Variants in INO80D observed in about 807,000 individuals in gnomAD.
INO80D encodes INO80 complex subunit D.
Under a neutral mutation model 87.6 loss-of-function variants are expected in INO80D, and 21 were observed. That is an observed-to-expected ratio of 0.24 (90% CI 0.17 to 0.35). INO80D has a LOEUF of 0.35. Ranked by LOEUF, INO80D falls within the 10% of genes least tolerant of loss-of-function variation. The pLI, the probability that INO80D is intolerant of heterozygous loss-of-function variation, is 1.00. For missense variants in INO80D, 982 were observed against 1,280.7 expected (o/e 0.77, Z 3.56); for synonymous variants, 440 against 491.0 (o/e 0.90, Z 1.37).
chr2:206,067,780 C>G (rs573528074), intron 1 of INO80D, among the ~76,000 whole-genome samples: 2 of 152,018 alleles, frequency 1.3e-5, no homozygotes, highest in Admixed American at 1.3e-4. Flanking sequence ...GAAACCTATA[C>G]GAACATCAAG....
rs143062794 is a variant in INO80D at position 206,013,056 on chromosome 2, C to A, written c.1543-3262G>T. Among the ~76,000 whole-genome samples, 59 of 151,676 alleles carry A rather than the reference C, an allele frequency of 3.9e-4. 1 individual carries two copies. The East Asian group carries it at 8.9e-3, about 23-fold the overall frequency. On this transcript the variant is annotated intron_variant, in intron 8 of 10. Transcript: ENST00000403263. ...CTGTCTTCAGAGAGAAAACCATTTT[C>A]AAAAATTTGTATTTTAAATACTTGA...
At chr2:206,078,524 G>T (rs1243075372) in intron 1 of INO80D, among the ~76,000 whole-genome samples, 1 of 152,194 alleles carries the variant, frequency 6.6e-6, no homozygotes, top group Non-Finnish European at 1.5e-5. Flanking sequence ...GGCCGGGGGT[G>T]GTGACTCACA....
Position 206,028,249 on chromosome 2 carries a change from C to T in INO80D, c.1160G>A (p.Arg387His), listed in dbSNP as rs1284342358. Residue 387 changes from arginine (R) to histidine (H), a missense_variant, in exon 6 of 11, where the codon CGC becomes CAC. Physicochemically the swap from Arg to His is conservative, Grantham distance 29. Transcript: ENST00000403263. ...YFQQKYKHLCRLERAESRQKK... is the reference protein window; with the variant it reads ...YFQQKYKHLCHLERAESRQKK... ...TTGACGAGATTCTGCCCGCTCCAGG[C>T]GGCAGAGGTGCTTATATTTCTGCTG... The T allele has an allele frequency of 1.4e-5, 22 of 1,613,514 alleles. No individual in the cohort carries two copies. The highest frequency in any genetic ancestry group is 3.3e-5 in the Admixed American group (2 of 59,978).
intron 8 of INO80D, among the ~76,000 whole-genome samples, chr2:206,010,776 C>CA (rs1321804832): frequency 1.3e-5 from 2 of 151,290 alleles, no homozygotes; most frequent in East Asian, 1.9e-4. Flanking sequence ...TAAAACAAAC[C>CA]AAAAAAAAGA....
At chr2:206,034,583 G>A (rs59041787) in intron 5 of INO80D, among the ~76,000 whole-genome samples, 28,628 of 151,950 alleles carry the variant, frequency 0.19, 3,074 homozygotes, top group East Asian at 0.44. Context: ...TGGCATACAA[G>A]GGACATACCT....
intron 1 of INO80D, among the ~76,000 whole-genome samples, chr2:206,071,452 C>T (rs1243634844): frequency 6.9e-6 from 1 of 145,712 alleles, no homozygotes; most frequent in African/African-American, 2.5e-5. Context: ...GAAACTCTTC[C>T]TTAATGTATT....
At chr2:206,017,907 C>T in intron 7 of INO80D, 94 bp from the exon 8 acceptor site, 2 of 1,076,328 alleles carry the variant, frequency 1.9e-6, no homozygotes, top group Non-Finnish European at 2.7e-6. Flanking sequence ...TTCATAAGTA[C>T]AAGCTTTATT....
chr2:206,019,389 T>A (rs1688400040), intron 7 of INO80D, among the ~76,000 whole-genome samples: 1 of 152,222 alleles, frequency 6.6e-6, no homozygotes, highest in South Asian at 2.1e-4. Flanking sequence ...TAAAAACAGA[T>A]TTTAAATAAT....
chr2:206,077,770 CTT>C (rs1304711751), intron 1 of INO80D, among the ~76,000 whole-genome samples: 2 of 152,132 alleles, frequency 1.3e-5, no homozygotes, highest in African/African-American at 4.8e-5. Flanking sequence ...CTAATGGCCT[CTT>C]TGTTACTGAA....
intron 4 of INO80D, among the ~76,000 whole-genome samples, chr2:206,055,408 A>G (rs971513775): frequency 1.3e-5 from 2 of 152,230 alleles, no homozygotes; most frequent in African/African-American, 2.4e-5. Context: ...TTTTCCCTGT[A>G]TTTTCTCACT....
Position 206,004,259 on chromosome 2 carries a change from G to T in INO80D, c.*109C>A. ...GAACTGGGAAGGGGGGTGCCCCTCT[G>T]ATCCCCATCTGTTATATCTTCTTTA... On this transcript the variant is annotated 3_prime_UTR_variant, in exon 11 of 11. Transcript: ENST00000403263. This position sits in a 1 kb window ranked among gnomAD's most constrained non-coding sequence, Gnocchi z 4.9. 1 of 1,046,368 alleles carries T rather than the reference G, an allele frequency of 9.6e-7. No individual in the cohort carries two copies. The highest frequency in any genetic ancestry group is 1.4e-6 in the Non-Finnish European group (1 of 719,116). The allele number at this position is 1,046,368 out of a possible 1,614,324, so 64.8% of individuals were successfully genotyped here.
At chr2:206,080,659 G>C (rs1559468453) in intron 1 of INO80D, among the ~76,000 whole-genome samples, 1 of 151,998 alleles carries the variant, frequency 6.6e-6, no homozygotes, top group Non-Finnish European at 1.5e-5. Context: ...TGTTATCCCA[G>C]CACTTTGGGA....
rs762174443 is a variant in INO80D at position 206,004,709 on chromosome 2, AAAG to A, written c.2740_2742del (p.Leu914del). On this transcript the variant is annotated inframe_deletion, in exon 11 of 11. Transcript: ENST00000403263. This position sits in a 1 kb window ranked among gnomAD's most constrained non-coding sequence, Gnocchi z 4.9. ...GTGGGTGGCGTGGATAGGGAAGTGG[AAAG>A]AAGATGTCCATCTGCGCCGAGAAGG... 5 of 1,613,892 alleles carry A rather than the reference AAAG, an allele frequency of 3.1e-6. No homozygotes were observed. Among genetic ancestry groups the A allele is most frequent in the Non-Finnish European group, 3.4e-6 (4 of 1,179,862 alleles).
In INO80D at chr2:206,063,039, A is replaced by C. The variant is rs1334681526; in HGVS notation, c.-23T>G. ...CATCACGTGACTCTATTCCTTGTGA[A>C]CATCAGCTAAAAGGCCACCACAAAA... On this transcript the variant is annotated 5_prime_UTR_variant, in exon 3 of 11. Transcript: ENST00000403263. 1 of 1,542,544 alleles carries C rather than the reference A, an allele frequency of 6.5e-7. No homozygotes were observed. The highest frequency in any genetic ancestry group is 2.2e-5 in the East Asian group (1 of 44,452).
chr2:206,031,647 G>C (rs1030909105), intron 5 of INO80D, among the ~76,000 whole-genome samples: 7 of 152,204 alleles, frequency 4.6e-5, no homozygotes, highest in Non-Finnish European at 8.8e-5. Flanking sequence ...CCTAGGACTG[G>C]CTTAAAATAG....
chr2:206,083,630 G>C (rs184474877), intron 1 of INO80D, among the ~76,000 whole-genome samples: 2 of 152,240 alleles, frequency 1.3e-5, no homozygotes, highest in East Asian at 3.9e-4. Flanking sequence ...CAGACGAAAG[G>C]AAAAGAAAGG....
chr2:206,005,596 A>G, intron 10 of INO80D, 63 bp from the exon 11 acceptor site: 1 of 1,226,934 alleles, frequency 8.2e-7, no homozygotes, highest in Non-Finnish European at 1.1e-6. Context: ...CACAAAAATC[A>G]CACATTTGAA....
At chr2:206,076,617 A>T (rs1278338697) in intron 1 of INO80D, among the ~76,000 whole-genome samples, 1 of 152,234 alleles carries the variant, frequency 6.6e-6, no homozygotes, top group Non-Finnish European at 1.5e-5. Flanking sequence ...AATATTTTAA[A>T]ATAATGCTTA....
At chr2:206,068,445 C>T (rs1368938778) in intron 1 of INO80D, among the ~76,000 whole-genome samples, 3 of 152,020 alleles carry the variant, frequency 2.0e-5, no homozygotes, top group Non-Finnish European at 4.4e-5. Flanking sequence ...CTATTTCTTA[C>T]AGGACAAATG....
Sources: allele counts gnomAD v4.1 joint callset (sites outside exome capture counted in the v4.1 genomes callset), GRCh38; gene constraint gnomAD v4.1.1; non-coding constraint Gnocchi (gnomAD v3.1); transcripts MANE v1.5; gene names NCBI Gene and HGNC (gene_info 2026-07-23, HGNC 2026-07-21).